The following DOK5 variants were observed in gnomAD, a reference collection of about 807,000 sequenced individuals.
DOK5 encodes downstream of tyrosine kinase 5.
DOK5 carries 27 observed loss-of-function variants against 43.3 expected under a neutral mutation model. That is an observed-to-expected ratio of 0.62 (90% CI 0.46 to 0.86). The LOEUF is 0.86. DOK5 is among the 40% of genes least tolerant of loss of function. The pLI is 0.00. For synonymous variants in DOK5, 146 were observed against 140.1 expected (o/e 1.04, Z -0.30); for missense variants, 373 against 392.9 (o/e 0.95, Z 0.43).
chr20:54,481,032 TATC>T lies in DOK5; in HGVS notation c.66+5024_66+5026del, dbSNP rs1265455562. 3.6e-3 allele frequency among the ~76,000 whole-genome samples: 473 copies of T among 132,392 alleles called. 18 individuals are homozygous for T. The highest frequency in any genetic ancestry group is 0.016 in the African/African-American group (443 of 28,280). The allele number at this position is 132,392 out of a possible 152,430, so 86.9% of individuals were successfully genotyped here. ...ATCATCTATCTATCTATCATCTATC[TATC>T]ATCTATCTATCATCTGTCTATCATC... is the stretch of plus-strand genomic sequence containing the variant. On this transcript the variant is annotated intron_variant, in intron 1 of 7. Transcript: ENST00000262593.
intron 5 of DOK5, among the ~76,000 whole-genome samples, chr20:54,610,166 A>C (rs1986600225): frequency 2.6e-5 from 4 of 152,398 alleles, no homozygotes; most frequent in South Asian, 4.1e-4. Flanking sequence ...TGATAAAACC[A>C]TTCAGCACAG....
Position 54,643,557 on chromosome 20 carries a change from G to A in DOK5, c.835G>A (p.Gly279Arg). 6.2e-7 allele frequency: 1 copy of A among 1,613,066 alleles called. No homozygotes were observed. Among genetic ancestry groups the A allele is most frequent in the African/African-American group, 1.3e-5 (1 of 75,050 alleles). Residue 279 changes from glycine to arginine, a missense_variant, in exon 7 of 8, where the codon GGA becomes AGA. Transcript: ENST00000262593. ...WQHITRQHSTGQLYRLQDVSS... is the reference protein window; with the variant it reads ...WQHITRQHSTRQLYRLQDVSS... ...GCACATCACACGGCAGCACAGCACG[G>A]GACAGCTCTACCGCTTGCAAGGTAA...
chr20:54,493,027 C>A (rs1182383775), intron 1 of DOK5, among the ~76,000 whole-genome samples: 1 of 144,926 alleles, frequency 6.9e-6, no homozygotes, highest in Non-Finnish European at 1.5e-5. Context: ...TGCACTCCAG[C>A]CTGGGCAACA....
At chr20:54,562,885 G>A (rs6068906) in intron 2 of DOK5, among the ~76,000 whole-genome samples, 1 of 152,138 alleles carries the variant, frequency 6.6e-6, no homozygotes, top group Non-Finnish European at 1.5e-5. Flanking sequence ...ATATGCCTAA[G>A]GTGTAACTGC....
In DOK5 at chr20:54,637,907, G is replaced by T. The variant is rs567752438; in HGVS notation, c.736-5551G>T. ...GGAGGCCAAGGCGGGCAGATCACAA[G>T]GTCAGGAGATCAAGACCATCGTGGC... On this transcript the variant is annotated intron_variant, in intron 6 of 7. Transcript: ENST00000262593. Among the ~76,000 whole-genome samples, 3 of 152,298 alleles carry T rather than the reference G, an allele frequency of 2.0e-5. No individual in the cohort carries two copies. The South Asian group carries it at 6.2e-4, about 32-fold the overall frequency.
intron 1 of DOK5, among the ~76,000 whole-genome samples, chr20:54,537,299 C>T (rs903264208): frequency 6.6e-6 from 1 of 152,186 alleles, no homozygotes; most frequent in African/African-American, 2.4e-5. Context: ...AACCTCATAA[C>T]ATAATGTGCT....
At chr20:54,590,024 A>G (rs1985931291) in intron 4 of DOK5, among the ~76,000 whole-genome samples, 1 of 152,216 alleles carries the variant, frequency 6.6e-6, no homozygotes, top group Non-Finnish European at 1.5e-5. Context: ...CTAGGAGCCA[A>G]GCATAAAGAA....
intron 5 of DOK5, 80 bp from the exon 6 acceptor site, chr20:54,610,308 A>G: frequency 3.7e-6 from 5 of 1,345,810 alleles, no homozygotes; most frequent in Non-Finnish European, 4.9e-6. Context: ...GGCGCAGCCT[A>G]ATGGAGTATG....
chr20:54,512,970 T>C (rs2146689016), intron 1 of DOK5, among the ~76,000 whole-genome samples: 1 of 152,302 alleles, frequency 6.6e-6, no homozygotes, highest in South Asian at 2.1e-4. Context: ...GCTGGGCATC[T>C]CACTGATGGC....
intron 6 of DOK5, among the ~76,000 whole-genome samples, chr20:54,612,528 G>C (rs986365199): frequency 6.6e-6 from 1 of 152,148 alleles, no homozygotes; most frequent in African/African-American, 2.4e-5. Context: ...ATTGCCCTCT[G>C]CTATGTGAGT....
At chr20:54,581,875 C>G (rs958997120) in intron 2 of DOK5, among the ~76,000 whole-genome samples, 1 of 151,826 alleles carries the variant, frequency 6.6e-6, no homozygotes, top group Non-Finnish European at 1.5e-5. Context: ...GATATTGATG[C>G]CTTTTACTTC....
At chr20:54,568,135 G>C (rs1377585187) in intron 2 of DOK5, among the ~76,000 whole-genome samples, 1 of 152,140 alleles carries the variant, frequency 6.6e-6, no homozygotes, top group African/African-American at 2.4e-5. Context: ...TGTTTAGTCT[G>C]TCATTGGACT....
At chr20:54,583,856 A>G (rs1414638007) in intron 2 of DOK5, among the ~76,000 whole-genome samples, 2 of 152,060 alleles carry the variant, frequency 1.3e-5, no homozygotes, top group Non-Finnish European at 2.9e-5. Context: ...AGTTTAAGCT[A>G]TCTCCATTTA....
intron 6 of DOK5, among the ~76,000 whole-genome samples, chr20:54,613,765 A>T (rs930738756): frequency 2.0e-5 from 3 of 152,176 alleles, no homozygotes; most frequent in Admixed American, 6.5e-5. Flanking sequence ...AGGCCTAGGC[A>T]GGAGGATCAC....
At chr20:54,520,268 T>C (rs1374625633) in intron 1 of DOK5, among the ~76,000 whole-genome samples, 2 of 152,170 alleles carry the variant, frequency 1.3e-5, no homozygotes, top group Non-Finnish European at 2.9e-5. Flanking sequence ...ATTAGCAAAT[T>C]CTAAGCCCCT....
At chr20:54,549,567 G>A (rs116542145) in intron 1 of DOK5, among the ~76,000 whole-genome samples, 1,574 of 152,202 alleles carry the variant, frequency 0.01, 32 homozygotes, top group African/African-American at 0.036. Context: ...ACTTAATACC[G>A]ATGGGTCAAA....
chr20:54,508,524 A>G (rs529628632), intron 1 of DOK5, among the ~76,000 whole-genome samples: 21 of 151,402 alleles, frequency 1.4e-4, no homozygotes, highest in South Asian at 4.2e-4. Flanking sequence ...AGAACTGTGC[A>G]GGGGCTACCT....
At chr20:54,528,062 G>T (rs142626918) in intron 1 of DOK5, among the ~76,000 whole-genome samples, 1 of 152,096 alleles carries the variant, frequency 6.6e-6, no homozygotes, top group African/African-American at 2.4e-5. Flanking sequence ...CAAAAAGTTA[G>T]TTGGGCGTGA....
In DOK5 at chr20:54,621,654, G is replaced by A. The variant is rs535507606; in HGVS notation, c.735+11131G>A. 9.3e-5 allele frequency among the ~76,000 whole-genome samples: 14 copies of A among 151,130 alleles called. No homozygotes were observed. The South Asian group carries it at 1.3e-3, about 14-fold the overall frequency. ...CAGTGAGCTGAGATTGCACCACTGC[G>A]CTCTAGCCTGGGCAATAGAACGAGA... On this transcript the variant is annotated intron_variant, in intron 6 of 7. Coordinates refer to ENST00000262593, the MANE Select transcript of DOK5 (RefSeq NM_018431.5).
Sources: allele counts gnomAD v4.1 joint callset (sites outside exome capture counted in the v4.1 genomes callset), GRCh38; gene constraint gnomAD v4.1.1; transcripts MANE v1.5; gene names NCBI Gene and HGNC (gene_info 2026-07-23, HGNC 2026-07-21).